Variants in TP73 observed in about 807,000 individuals in gnomAD.
TP73 encodes the protein p53-like transcription factor.
In TP73, 25 loss-of-function variants were observed where a neutral mutation model predicts 62.5. The observed-to-expected ratio is 0.40, with a 90% confidence interval of 0.29 to 0.56. TP73 has a LOEUF of 0.56. Among genes scored for constraint, TP73 ranks in the 20% least tolerant of loss-of-function variants. The pLI, the probability that TP73 is intolerant of heterozygous loss-of-function variation, is 0.46. For synonymous variants in TP73, 423 were observed against 377.5 expected (o/e 1.12, Z -1.40); for missense variants, 754 against 913.3 (o/e 0.83, Z 2.25).
chr1:3,653,006 G>A (rs1305024807), intron 1 of TP73, among the ~76,000 whole-genome samples: 1 of 152,030 alleles, frequency 6.6e-6, no homozygotes, highest in Admixed American at 6.5e-5. Context: ...GGAAGAGGCC[G>A]GGGTGCGGGG....
Position 3,734,163 on chromosome 1 carries a change from G to A in TP73, c.*1084G>A, listed in dbSNP as rs940705192. ...ACGGCCACCTTCTCTAGCACTGCAA[G>A]GTCCACAGGGCATTGCTTTCCTTTC... On this transcript the variant is annotated 3_prime_UTR_variant, in exon 14 of 14. Transcript: ENST00000378295. This position sits in a 1 kb window ranked among gnomAD's most constrained non-coding sequence, Gnocchi z 4.4. 1.3e-5 allele frequency: 2 copies of A among 152,276 alleles called. No individual in the cohort carries two copies. The highest frequency in any genetic ancestry group is 4.8e-5 in the African/African-American group (2 of 41,438). 9.4% of individuals were successfully genotyped at this position (152,276 alleles called of 1,614,324 possible). A position where few individuals can be genotyped will look rare whatever the true frequency, so the allele number is the denominator to read the frequency against.
intron 3 of TP73, among the ~76,000 whole-genome samples, chr1:3,689,247 G>A (rs755383560): frequency 2.6e-5 from 4 of 152,202 alleles, no homozygotes; most frequent in South Asian, 4.1e-4. Flanking sequence ...GGCCCCAGCC[G>A]ACCCCCTGCA....
At chr1:3,706,115 C>G (rs1010798370) in intron 3 of TP73, among the ~76,000 whole-genome samples, 1 of 152,186 alleles carries the variant, frequency 6.6e-6, no homozygotes, top group Non-Finnish European at 1.5e-5. Context: ...GACCGCCCCC[C>G]GCCCCCGGCC....
At chr1:3,711,867 T>TGTGTGTGTGTGCGC (rs1491505004) in intron 4 of TP73, among the ~76,000 whole-genome samples, 22 of 147,900 alleles carry the variant, frequency 1.5e-4, no homozygotes, top group African/African-American at 4.7e-4. Flanking sequence ...TGTGTGTGTG[T>TGTGTGTGTGTGCGC]GCGCGAGCAT....
At chr1:3,697,654 G>C (rs555923499) in intron 3 of TP73, among the ~76,000 whole-genome samples, 5 of 152,352 alleles carry the variant, frequency 3.3e-5, no homozygotes, top group African/African-American at 1.2e-4. Flanking sequence ...CCTGCACCTG[G>C]GAGGGTGCTA....
In TP73 at chr1:3,727,236, G is replaced by A. The variant is rs2124518079; in HGVS notation, c.842+12G>A. The A allele has an allele frequency of 6.2e-7, 1 of 1,609,424 alleles. No homozygotes were observed. Among genetic ancestry groups the A allele is most frequent in the Non-Finnish European group, 8.5e-7 (1 of 1,177,574 alleles). On this transcript the variant is annotated intron_variant, in intron 7 of 13. Coordinates refer to ENST00000378295, the MANE Select transcript of TP73 (RefSeq NM_005427.4). ...CTGGAGATGCGGGAGTGAGTCCCGG[G>A]CACACGGGGTGGAGGTGGGACAGGG...
rs547540128 is a variant in TP73 at position 3,677,017 on chromosome 1, G to T, written c.-33-5316G>T. On this transcript the variant is annotated intron_variant, in intron 1 of 13. Coordinates refer to ENST00000378295, the MANE Select transcript of TP73 (RefSeq NM_005427.4). ...AACTGCCCCTGGTGAGAACCCCTAGGCTGAGACCTCAGAAGGCCCTGAGTC... is the reference window on the plus strand; with the variant it reads ...AACTGCCCCTGGTGAGAACCCCTAGTCTGAGACCTCAGAAGGCCCTGAGTC... Among the ~76,000 whole-genome samples, 4 of 151,980 alleles carry T rather than the reference G, an allele frequency of 2.6e-5. No individual in the cohort carries two copies. In the East Asian group the frequency reaches 7.8e-4, roughly 29 times the overall value.
At position 3,731,565 on chromosome 1, in the gene TP73, C is replaced by T. The variant is rs184531114; in HGVS notation, c.1578+9C>T. On this transcript the variant is annotated intron_variant, in intron 13 of 13. Coordinates refer to ENST00000378295, the MANE Select transcript of TP73 (RefSeq NM_005427.4). ...AGAACCTGACCATTGAGGTAACGCC[C>T]GGGTGGACCCCGCTCTGCAGAGGCA... The T allele has an allele frequency of 2.4e-5, 38 of 1,613,106 alleles. No homozygotes were observed. Among genetic ancestry groups the T allele is most frequent in the Middle Eastern group, 1.7e-4 (1 of 6,040 alleles).
At chr1:3,692,245 T>C (rs1645861992) in intron 3 of TP73, among the ~76,000 whole-genome samples, 1 of 152,046 alleles carries the variant, frequency 6.6e-6, no homozygotes, top group Non-Finnish European at 1.5e-5. Context: ...AGCTGTGTGT[T>C]CCCAGGCAAG....
Position 3,729,434 on chromosome 1 carries a change from G to GCTC in TP73, c.1185_1187dup (p.Leu396dup). 6.2e-7 allele frequency: 1 copy of GCTC among 1,612,844 alleles called. No homozygotes were observed. The highest frequency in any genetic ancestry group is 8.5e-7 in the Non-Finnish European group (1 of 1,179,982). ...TGGACTCCTATCGGCAGCAGCAGCA[G>GCTC]CTCCTACAGAGGCCGTGAGTCAGCC... On this transcript the variant is annotated inframe_insertion, in exon 10 of 14. Transcript: ENST00000378295.
In TP73 at chr1:3,699,588, A is replaced by T. The variant is rs1300932143; in HGVS notation, c.187-7961A>T. ...ATGCTGCCTTCTGGAAACGTCTGTC[A>T]CGGGCACACCATGCACCATGCCATG... On this transcript the variant is annotated intron_variant, in intron 3 of 13. Transcript: ENST00000378295. This position sits in a 1 kb window ranked among gnomAD's most constrained non-coding sequence, Gnocchi z 4.1. 1.3e-5 allele frequency among the ~76,000 whole-genome samples: 2 copies of T among 152,176 alleles called. No homozygotes were observed. Among genetic ancestry groups the T allele is most frequent in the Non-Finnish European group, 2.9e-5 (2 of 68,030 alleles).
At chr1:3,720,483 C>T (rs1640981791) in intron 4 of TP73, among the ~76,000 whole-genome samples, 1 of 152,200 alleles carries the variant, frequency 6.6e-6, no homozygotes, top group Non-Finnish European at 1.5e-5. Context: ...TCCCTCCAGC[C>T]CCCTCACACC....
rs537759879 is a variant in TP73 at position 3,698,564 on chromosome 1, C to T, written c.187-8985C>T. On this transcript the variant is annotated intron_variant, in intron 3 of 13. Transcript: ENST00000378295. The stretch of plus-strand genomic sequence containing the variant: ...GGGGAGGTGGGCTTTGAGCGGGATC[C>T]GGGAGGCAGGGGGCAGAAGCTGAGG... Among the ~76,000 whole-genome samples the T allele has an allele frequency of 4.5e-4, 69 of 152,192 alleles. 1 individual carries two copies. Among genetic ancestry groups the T allele is most frequent in the African/African-American group, 1.6e-3 (66 of 41,534 alleles).
In TP73 at chr1:3,731,014, G is replaced by A; in HGVS notation, c.1433G>A (p.Gly478Glu). Residue 478 changes from glycine to glutamate, a missense_variant, in exon 12 of 14, where the codon GGG becomes GAG. Transcript: ENST00000378295. ...CACAGCGCCCAGTCCATGGTCTCGG[G>A]GTCCCACTGCACTCCGCCACCCCCC... is the stretch of plus-strand genomic sequence containing the variant. ...SSHSAQSMVS[G>E]SHCTPPPPYH... is the part of the protein sequence containing the mutation. 7 of 1,612,472 alleles carry A rather than the reference G, an allele frequency of 4.3e-6. No homozygotes were observed. Among genetic ancestry groups the A allele is most frequent in the Non-Finnish European group, 5.9e-6 (7 of 1,179,808 alleles).
intron 7 of TP73, 140 bp downstream of exon 7, chr1:3,727,364 C>G (rs1465762271): frequency 3.0e-6 from 3 of 995,994 alleles, no homozygotes; most frequent in Non-Finnish European, 4.4e-6. Context: ...GAGGAAGGAA[C>G]CGCCCCCTGG....
At chr1:3,682,223 C>G (rs1645540944) in intron 1 of TP73, 110 bp from the exon 2 acceptor site, 16 of 757,688 alleles carry the variant, frequency 2.1e-5, no homozygotes, top group Non-Finnish European at 3.1e-5. Context: ...GCACCTGCTC[C>G]AGGGATGCCC....
chr1:3,713,591 A>C (rs1011576641), intron 4 of TP73, among the ~76,000 whole-genome samples: 1 of 152,052 alleles, frequency 6.6e-6, no homozygotes, highest in Non-Finnish European at 1.5e-5. Context: ...ATTTTCTGAG[A>C]TTCCAAAAGT....
intron 4 of TP73, chr1:3,708,058 A>T (rs571963269): frequency 1.8e-6 from 1 of 562,414 alleles, no homozygotes; most frequent in East Asian, 3.1e-5. Context: ...TGCTGGTGAG[A>T]TCTCTGCCAA....
chr1:3,698,518 C>A (rs12032247), intron 3 of TP73, among the ~76,000 whole-genome samples: 1 of 152,076 alleles, frequency 6.6e-6, no homozygotes, highest in East Asian at 1.9e-4. Context: ...GGTGGGCCAG[C>A]CCTCTGGAGG....
Sources: gnomAD v4.1 joint callset for allele counts (sites outside exome capture counted in the v4.1 genomes callset) on GRCh38, gnomAD v4.1.1 for gene constraint, Gnocchi (gnomAD v3.1) non-coding constraint, MANE v1.5 for transcripts, NCBI Gene and HGNC (gene_info 2026-07-23, HGNC 2026-07-21) for gene names.